STXBP6: variants seen among roughly 807,000 people sequenced by gnomAD.
STXBP6 encodes the protein syntaxin-binding protein 6.
STXBP6 carries 21 observed loss-of-function variants against 26.9 expected under a neutral mutation model. That is an observed-to-expected ratio of 0.78 (90% CI 0.55 to 1.12). The LOEUF is 1.12. Among genes scored for constraint, STXBP6 ranks in the 50% most tolerant of loss-of-function variants. The pLI is 0.00. For synonymous variants in STXBP6, 97 were observed against 92.6 expected (o/e 1.05, Z -0.27); for missense variants, 232 against 257.9 (o/e 0.90, Z 0.69).
Position 24,853,142 on chromosome 14 carries a change from T to C in STXBP6, c.451+2794A>G, listed in dbSNP as rs188505862. The stretch of plus-strand genomic sequence containing the variant: ...TATAAGAAACAATGGTATCTAGGAC[T>C]TGTGGCCCATACTATAGGAAGAGAC... On this transcript the variant is annotated intron_variant, in intron 4 of 5. Coordinates refer to ENST00000323944, the MANE Select transcript of STXBP6 (RefSeq NM_001394410.1). Among the ~76,000 whole-genome samples the C allele has an allele frequency of 3.0e-4, 46 of 152,200 alleles. 1 individual carries two copies. In the East Asian group the frequency reaches 6.8e-3, roughly 22 times the overall value.
intron 2 of STXBP6, chr14:24,878,853 G>A (rs1193615892): frequency 2.3e-6 from 1 of 441,222 alleles, no homozygotes; most frequent in Admixed American, 2.4e-5. Context: ...AAATTAACAG[G>A]GAGCTATTAT....
chr14:24,824,020 G>T (rs2068213735), intron 4 of STXBP6, among the ~76,000 whole-genome samples: 1 of 152,048 alleles, frequency 6.6e-6, no homozygotes, highest in South Asian at 2.1e-4. Context: ...TATTTTCATG[G>T]TTAGTACCTA....
intron 2 of STXBP6, among the ~76,000 whole-genome samples, chr14:24,896,830 A>G (rs2071007258): frequency 6.6e-6 from 1 of 152,206 alleles, no homozygotes; most frequent in Admixed American, 6.5e-5. Context: ...AACCAGATGA[A>G]CAAAAGCATC....
At chr14:24,978,676 C>A (rs988918411) in intron 1 of STXBP6, among the ~76,000 whole-genome samples, 3 of 152,176 alleles carry the variant, frequency 2.0e-5, no homozygotes, top group Non-Finnish European at 4.4e-5. Context: ...CAAGTCAAAG[C>A]AGCTGGTTCC....
intron 4 of STXBP6, among the ~76,000 whole-genome samples, chr14:24,838,594 G>A (rs1208156073): frequency 6.6e-6 from 1 of 152,060 alleles, no homozygotes; most frequent in Admixed American, 6.5e-5. Flanking sequence ...TGAGGCAGAA[G>A]GATCGCTTGA....
intron 2 of STXBP6, among the ~76,000 whole-genome samples, chr14:24,870,415 T>C (rs1411542864): frequency 5.3e-5 from 8 of 152,188 alleles, no homozygotes; most frequent in Admixed American, 5.2e-4. Context: ...ACTTAACCGA[T>C]TTTACATGTA....
At chr14:25,034,029 G>A (rs2075508416) in intron 1 of STXBP6, among the ~76,000 whole-genome samples, 1 of 152,234 alleles carries the variant, frequency 6.6e-6, no homozygotes. Context: ...AGGAAGGGGA[G>A]AGAAACTATA....
intron 1 of STXBP6, among the ~76,000 whole-genome samples, chr14:25,016,841 C>T (rs992982996): frequency 4.6e-5 from 7 of 152,162 alleles, no homozygotes; most frequent in Non-Finnish European, 8.8e-5. Flanking sequence ...TCACACAATA[C>T]TTCGGGCTCT....
intron 2 of STXBP6, among the ~76,000 whole-genome samples, chr14:24,868,852 G>T (rs1227974283): frequency 1.3e-5 from 2 of 152,196 alleles, no homozygotes; most frequent in African/African-American, 2.4e-5. Context: ...TGACTCTCCA[G>T]ACCAAAATCT....
At chr14:24,932,552 C>A (rs1286781415) in intron 2 of STXBP6, among the ~76,000 whole-genome samples, 1 of 151,908 alleles carries the variant, frequency 6.6e-6, no homozygotes, top group Non-Finnish European at 1.5e-5. Flanking sequence ...TAAAAATATT[C>A]TTTGGCTTGC....
Position 24,939,616 on chromosome 14 carries a change from T to C in STXBP6, c.154+35049A>G, listed in dbSNP as rs571751713. On this transcript the variant is annotated intron_variant, in intron 2 of 5. Transcript: ENST00000323944. ...ATTCGTATGTATACTTCACATGTAC[T>C]GTATCATGATGTTGAAACTCTGTGA... Among the ~76,000 whole-genome samples the C allele has an allele frequency of 2.3e-3, 349 of 152,372 alleles. 1 individual carries two copies. The highest frequency in any genetic ancestry group is 3.6e-3 in the Non-Finnish European group (247 of 68,040).
At chr14:24,946,403 A>G (rs1033824367) in intron 2 of STXBP6, among the ~76,000 whole-genome samples, 5 of 152,164 alleles carry the variant, frequency 3.3e-5, no homozygotes, top group African/African-American at 1.2e-4. Flanking sequence ...GAGATCTGCA[A>G]TGGAGACAAA....
chr14:25,002,701 C>T (rs886278930), intron 1 of STXBP6, among the ~76,000 whole-genome samples: 3 of 151,566 alleles, frequency 2.0e-5, no homozygotes, highest in African/African-American at 7.3e-5. Context: ...ACAGTAATTT[C>T]CCCATCTTTG....
intron 2 of STXBP6, among the ~76,000 whole-genome samples, chr14:24,954,230 A>G (rs1488478765): frequency 6.6e-6 from 1 of 152,080 alleles, no homozygotes; most frequent in Non-Finnish European, 1.5e-5. Context: ...GTTTATTTCT[A>G]TTGTACCTAG....
At chr14:25,014,986 C>T (rs1379357884) in intron 1 of STXBP6, among the ~76,000 whole-genome samples, 2 of 152,130 alleles carry the variant, frequency 1.3e-5, no homozygotes, top group Non-Finnish European at 2.9e-5. Context: ...TTTTAAATCA[C>T]TTATATCAAA....
intron 2 of STXBP6, among the ~76,000 whole-genome samples, chr14:24,941,007 T>C (rs572475921): frequency 2.0e-5 from 3 of 152,080 alleles, no homozygotes; most frequent in Non-Finnish European, 4.4e-5. Context: ...AGAGCAAGAC[T>C]CTATCTTGGA....
chr14:24,976,990 G>A (rs1041981974), intron 1 of STXBP6, among the ~76,000 whole-genome samples: 1 of 149,300 alleles, frequency 6.7e-6, no homozygotes. Context: ...AGCCTCCCCA[G>A]TAGCTGTGAT....
At chr14:24,936,086 T>C (rs930400457) in intron 2 of STXBP6, among the ~76,000 whole-genome samples, 7 of 152,224 alleles carry the variant, frequency 4.6e-5, no homozygotes, top group African/African-American at 9.6e-5. Context: ...TTTTTGTGTC[T>C]GTAGCAGGTT....
intron 4 of STXBP6, among the ~76,000 whole-genome samples, chr14:24,852,238 T>C (rs1203919369): frequency 1.3e-5 from 2 of 152,204 alleles, no homozygotes; most frequent in East Asian, 3.9e-4. Context: ...ATGTTAAATG[T>C]ACCTTTCTCA....
Sources: allele counts gnomAD v4.1 joint callset (sites outside exome capture counted in the v4.1 genomes callset), GRCh38; gene constraint gnomAD v4.1.1; transcripts MANE v1.5; gene names NCBI Gene and HGNC (gene_info 2026-07-23, HGNC 2026-07-21).